The following SIL1 variants were observed in gnomAD, a reference collection of about 807,000 sequenced individuals.
SIL1 encodes the protein nucleotide exchange factor SIL1.
A neutral mutation model predicts 49.1 loss-of-function variants in SIL1; 40 were observed. The observed-to-expected ratio is 0.81, with a 90% confidence interval of 0.63 to 1.06. SIL1 has a LOEUF of 1.06. Ranked by LOEUF, SIL1 falls within the 50% of genes least tolerant of loss-of-function variation. The pLI, the probability that SIL1 is intolerant of heterozygous loss-of-function variation, is 0.00. For synonymous variants in SIL1, 253 were observed against 250.8 expected (o/e 1.01, Z -0.08); for missense variants, 500 against 572.6 (o/e 0.87, Z 1.29).
intron 3 of SIL1, among the ~76,000 whole-genome samples, chr5:139,099,452 G>A (rs753321550): frequency 2.0e-5 from 3 of 152,122 alleles, no homozygotes; most frequent in Non-Finnish European, 4.4e-5. Context: ...AAAGAAATCA[G>A]TATATCAAAG....
chr5:139,140,657 C>T (rs1210066190), intron 1 of SIL1, among the ~76,000 whole-genome samples: 2 of 152,162 alleles, frequency 1.3e-5, no homozygotes, highest in Non-Finnish European at 2.9e-5. Flanking sequence ...ACAATCCCAC[C>T]GAATGCCCAG....
rs189756369 is a variant in SIL1, at chr5:139,039,273, T to A, written c.453+3347A>T. On this transcript the variant is annotated intron_variant, in intron 5 of 9. Transcript: ENST00000394817. Reference sequence around the variant, plus strand: ...TCCACTTGGCTCCTGGCGACCCTGGTGGAGGAATCAGAGTACAGCTTGCTA... The same window carrying A: ...TCCACTTGGCTCCTGGCGACCCTGGAGGAGGAATCAGAGTACAGCTTGCTA... Among the ~76,000 whole-genome samples the A allele has an allele frequency of 1.7e-3, 260 of 152,206 alleles. 3 individuals are homozygous for A. Among genetic ancestry groups the A allele is most frequent in the Non-Finnish European group, 1.8e-3 (122 of 68,006 alleles).
At chr5:139,180,514 C>G (rs983390657) in intron 1 of SIL1, among the ~76,000 whole-genome samples, 3 of 151,936 alleles carry the variant, frequency 2.0e-5, no homozygotes, top group Admixed American at 2.0e-4. Flanking sequence ...CACCACCTTC[C>G]TAACCAGAAT....
chr5:139,071,669 T>C (rs1400099762), intron 3 of SIL1, among the ~76,000 whole-genome samples: 1 of 80,650 alleles, frequency 1.2e-5, no homozygotes, highest in Admixed American at 1.3e-4. Flanking sequence ...TATTAGCATT[T>C]TTTTTTTTTT....
intron 7 of SIL1, among the ~76,000 whole-genome samples, chr5:138,999,628 T>G (rs1767945055): frequency 6.6e-6 from 1 of 152,208 alleles, no homozygotes; most frequent in African/African-American, 2.4e-5. Flanking sequence ...TACTCCAGTA[T>G]GGGCAACAGA....
intron 1 of SIL1, among the ~76,000 whole-genome samples, chr5:139,162,939 ACAG>A (rs976075666): frequency 2.6e-5 from 4 of 152,096 alleles, no homozygotes; most frequent in African/African-American, 9.7e-5. Context: ...CTTGTAAATA[ACAG>A]CAGAACTGAG....
Position 139,180,381 on chromosome 5 carries a change from C to CAAA in SIL1, c.-11+17885_-11+17887dup, listed in dbSNP as rs35534058. ...GGGCAACAAGAGCAAAACTCCATCT[C>CAAA]AAAAAAAAAAAAAAAAAAAAAAAAA... On this transcript the variant is annotated intron_variant, in intron 1 of 9. Coordinates refer to ENST00000394817, the MANE Select transcript of SIL1 (RefSeq NM_022464.5). Among the ~76,000 whole-genome samples the CAAA allele has an allele frequency of 2.9e-3, 163 of 56,876 alleles. 1 individual carries two copies. Among genetic ancestry groups the CAAA allele is most frequent in the African/African-American group, 8.7e-3 (118 of 13,584 alleles). 37.3% of individuals were successfully genotyped at this position (56,876 alleles called of 152,430 possible).
chr5:138,991,805 C>T (rs904532942), intron 7 of SIL1, among the ~76,000 whole-genome samples: 10 of 152,228 alleles, frequency 6.6e-5, no homozygotes, highest in African/African-American at 1.7e-4. Flanking sequence ...AGAAATACAA[C>T]GGAGAAGGTT....
Position 139,127,728 on chromosome 5 carries a change from A to C in SIL1, c.105+11T>G. On this transcript the variant is annotated intron_variant, in intron 2 of 9. Transcript: ENST00000394817. Reference sequence around the variant, plus strand: ...TCAAGGGTCCCTCCCATTTACAATAAAGATATTTACCAGGTTCTGATGACT... The same window carrying C: ...TCAAGGGTCCCTCCCATTTACAATACAGATATTTACCAGGTTCTGATGACT... The C allele has an allele frequency of 6.2e-7, 1 of 1,603,824 alleles. No individual in the cohort carries two copies.
At chr5:138,966,137 C>G (rs1767133140) in intron 7 of SIL1, among the ~76,000 whole-genome samples, 1 of 152,080 alleles carries the variant, frequency 6.6e-6, no homozygotes, top group Non-Finnish European at 1.5e-5. Context: ...TAATTTTCAA[C>G]AAGTTCAATA....
chr5:138,991,335 G>C (rs1351241080), intron 7 of SIL1, among the ~76,000 whole-genome samples: 1 of 152,256 alleles, frequency 6.6e-6, no homozygotes, highest in Admixed American at 6.5e-5. Flanking sequence ...TCAAGGCTGT[G>C]TATGCAAGTG....
intron 1 of SIL1, among the ~76,000 whole-genome samples, chr5:139,147,974 C>CT (rs1296709050): frequency 6.6e-6 from 1 of 152,120 alleles, no homozygotes; most frequent in Admixed American, 6.5e-5. Context: ...CCCTGGTTTT[C>CT]TTCTAGAGTC....
rs768164857 is a variant in SIL1 at position 139,050,986 on chromosome 5, G to T, written c.305C>A (p.Ala102Glu). ...GAACTTGTCCTCATATTGGAGTTTT[G>T]CCTCTCTTTCCCCAGTCTGAAGATT... Reference protein sequence around the residue: ...RLNLQTGEREAKLQYEDKFRN... With the variant: ...RLNLQTGEREEKLQYEDKFRN... The change falls in exon 4 of 10, where the codon GCA becomes GAA. Residue 102 changes from alanine to glutamate, a missense_variant. Ala to Glu is a moderately radical substitution (Grantham distance 107). Transcript: ENST00000394817. 6.2e-7 allele frequency: 1 copy of T among 1,614,082 alleles called. No homozygotes were observed. Among genetic ancestry groups the T allele is most frequent in the East Asian group, 2.2e-5 (1 of 44,888 alleles).
chr5:139,189,628 C>T (rs975647180), intron 1 of SIL1, among the ~76,000 whole-genome samples: 19 of 152,200 alleles, frequency 1.2e-4, no homozygotes, highest in African/African-American at 4.6e-4. Flanking sequence ...TCAAGACCAG[C>T]CTGGTCAACA....
At chr5:139,130,085 C>A (rs1356728058) in intron 1 of SIL1, among the ~76,000 whole-genome samples, 1 of 152,004 alleles carries the variant, frequency 6.6e-6, no homozygotes, top group Non-Finnish European at 1.5e-5. Context: ...ACAGCCTGAG[C>A]AACATGGCTA....
chr5:139,134,664 C>G (rs765617008), intron 1 of SIL1, among the ~76,000 whole-genome samples: 1 of 152,108 alleles, frequency 6.6e-6, no homozygotes, highest in Admixed American at 6.5e-5. Context: ...TGGAGAAACC[C>G]GAGGCAGTTT....
At chr5:139,013,876 TTAAA>T (rs1425726760) in intron 7 of SIL1, 2 of 152,194 alleles carry the variant, frequency 1.3e-5, no homozygotes, top group African/African-American at 2.4e-5. Flanking sequence ...CAGAAAAATT[TTAAA>T]GCCTCCTTGC....
rs973693749 is a variant in SIL1 at position 139,177,144 on chromosome 5, G to A, written c.-11+21125C>T. On this transcript the variant is annotated intron_variant, in intron 1 of 9. Coordinates refer to ENST00000394817, the MANE Select transcript of SIL1 (RefSeq NM_022464.5). ...AGATGGGGTTTCACCATGTTAGCCG[G>A]GATGGTCTCGATCTCCTGACCTTGT... 9.9e-5 allele frequency among the ~76,000 whole-genome samples: 15 copies of A among 151,968 alleles called. No individual in the cohort carries two copies. The South Asian group carries it at 1.5e-3, about 15-fold the overall frequency.
intron 7 of SIL1, among the ~76,000 whole-genome samples, chr5:139,005,093 C>G (rs1311283767): frequency 6.6e-6 from 1 of 152,138 alleles, no homozygotes; most frequent in Non-Finnish European, 1.5e-5. Flanking sequence ...AATAACAATA[C>G]ATTGCATTCC....
Sources: allele counts gnomAD v4.1 joint callset (sites outside exome capture counted in the v4.1 genomes callset), GRCh38; gene constraint gnomAD v4.1.1; transcripts MANE v1.5; gene names NCBI Gene and HGNC (gene_info 2026-07-23, HGNC 2026-07-21).